The following BNC2 variants were observed in gnomAD, a reference collection of about 807,000 sequenced individuals.
BNC2 encodes the protein zinc finger protein basonuclin-2.
BNC2 carries 20 observed loss-of-function variants against 76.3 expected under a neutral mutation model. The observed-to-expected ratio is 0.26, with a 90% CI of 0.18 to 0.38. The LOEUF is 0.38. BNC2 is among the 10% of genes least tolerant of loss of function. BNC2 has a pLI of 1.00. For synonymous variants in BNC2, 582 were observed against 514.8 expected, an observed-to-expected ratio of 1.13 and a Z score of -1.77; for missense variants, 1,382 against 1,399.8, an observed-to-expected ratio of 0.99 and a Z score of 0.20.
intron 5 of BNC2, among the ~76,000 whole-genome samples, chr9:16,446,399 A>G (rs959619799): frequency 2.6e-5 from 4 of 152,114 alleles, no homozygotes; most frequent in African/African-American, 7.2e-5. Flanking sequence ...AAGCAACATG[A>G]TAATTTTATG....
chr9:16,451,494 G>C (rs1041554823), intron 5 of BNC2, among the ~76,000 whole-genome samples: 1 of 151,108 alleles, frequency 6.6e-6, no homozygotes, highest in African/African-American at 2.5e-5. Context: ...CCTGGCATCT[G>C]AAGTCCCCTC....
chr9:16,604,778 G>A (rs552582689), intron 3 of BNC2, among the ~76,000 whole-genome samples: 61 of 152,134 alleles, frequency 4.0e-4, no homozygotes, highest in Non-Finnish European at 4.4e-5. Context: ...ACTCCAGCCT[G>A]GGCAACAGAG....
chr9:16,675,496 G>A (rs947558514), intron 3 of BNC2, among the ~76,000 whole-genome samples: 11 of 152,170 alleles, frequency 7.2e-5, no homozygotes, highest in African/African-American at 2.4e-4. Flanking sequence ...CTGGGCTCAA[G>A]TGATAGGCCC....
At chr9:16,482,819 G>C (rs1822087691) in intron 5 of BNC2, among the ~76,000 whole-genome samples, 1 of 152,148 alleles carries the variant, frequency 6.6e-6, no homozygotes, top group Non-Finnish European at 1.5e-5. Flanking sequence ...GGGTCTCAGA[G>C]AACAGCCACG....
chr9:16,725,400 C>G (rs530904300), intron 3 of BNC2, among the ~76,000 whole-genome samples: 2 of 152,066 alleles, frequency 1.3e-5, no homozygotes, highest in African/African-American at 4.8e-5. Context: ...AAAAAAAATG[C>G]AAGCTCATAT....
intron 1 of BNC2, among the ~76,000 whole-genome samples, chr9:16,822,195 C>T (rs554236349): frequency 3.8e-4 from 57 of 151,020 alleles, no homozygotes; most frequent in African/African-American, 1.4e-3. Flanking sequence ...GCCTGGGAGG[C>T]GCAGGCTGCG....
chr9:16,443,745 A>G (rs1753518205), intron 5 of BNC2, among the ~76,000 whole-genome samples: 1 of 152,212 alleles, frequency 6.6e-6, no homozygotes, highest in South Asian at 2.1e-4. Flanking sequence ...TTAGACCCAA[A>G]GACATACATA....
At chr9:16,781,017 A>G (rs912417755) in intron 1 of BNC2, among the ~76,000 whole-genome samples, 1 of 152,066 alleles carries the variant, frequency 6.6e-6, no homozygotes, top group African/African-American at 2.4e-5. Context: ...TTGAAAAAAA[A>G]AGAGAGAGAG....
intron 3 of BNC2, among the ~76,000 whole-genome samples, chr9:16,707,178 G>A (rs1823701679): frequency 6.6e-6 from 1 of 151,838 alleles, no homozygotes; most frequent in Admixed American, 6.6e-5. Flanking sequence ...CTCCAGCCTG[G>A]GCAACAGAGC....
chr9:16,435,165 A>G (rs1021230820), intron 6 of BNC2: 6 of 422,306 alleles, frequency 1.4e-5, no homozygotes, highest in Admixed American at 9.0e-5. Context: ...CACATGGCAA[A>G]GCAGAAATAT....
chr9:16,431,432 A>T, intron 6 of BNC2: 1 of 470,272 alleles, frequency 2.1e-6, no homozygotes, highest in South Asian at 1.6e-5. Context: ...CGCTCTCTTC[A>T]AGAGAATCTC....
intron 3 of BNC2, among the ~76,000 whole-genome samples, chr9:16,586,253 GAACAACCATAAC>G (rs1819768097): frequency 6.6e-6 from 1 of 151,998 alleles, no homozygotes. Context: ...AACTCCCCAA[GAACAACCATAAC>G]AACAACCATA....
chr9:16,443,701 C>T (rs973831401), intron 5 of BNC2, among the ~76,000 whole-genome samples: 1 of 152,142 alleles, frequency 6.6e-6, no homozygotes, highest in Non-Finnish European at 1.5e-5. Flanking sequence ...ACATGGACGA[C>T]TCTTCAAAAG....
intron 5 of BNC2, among the ~76,000 whole-genome samples, chr9:16,461,641 G>A (rs1217192697): frequency 6.6e-6 from 1 of 152,032 alleles, no homozygotes; most frequent in Non-Finnish European, 1.5e-5. Context: ...GGGTATCACA[G>A]GTGCAACTCC....
At chr9:16,617,436 A>C (rs1820738047) in intron 3 of BNC2, among the ~76,000 whole-genome samples, 1 of 152,092 alleles carries the variant, frequency 6.6e-6, no homozygotes, top group Non-Finnish European at 1.5e-5. Context: ...TTTTAGTTCA[A>C]AGTAGAGTTT....
Position 16,795,412 on chromosome 9 carries a change from G to C in BNC2, c.4-56927C>G, listed in dbSNP as rs191159660. Among the ~76,000 whole-genome samples the C allele has an allele frequency of 3.8e-3, 559 of 146,626 alleles. 1 individual carries two copies. Among genetic ancestry groups the C allele is most frequent in the Middle Eastern group, 0.014 (4 of 286 alleles). ...TTTTTTTTTTTTTAAACACACTCCA[G>C]AAGTCATTGCAATACCGGAAACATT... is the stretch of plus-strand genomic sequence containing the variant. On this transcript the variant is annotated intron_variant, in intron 1 of 6. Transcript: ENST00000380672.
At chr9:16,646,407 G>T (rs922733789) in intron 3 of BNC2, among the ~76,000 whole-genome samples, 1 of 152,128 alleles carries the variant, frequency 6.6e-6, no homozygotes, top group African/African-American at 2.4e-5. Context: ...GTTGTTTACA[G>T]TGAAATACTA....
chr9:16,618,781 A>G (rs543619654), intron 3 of BNC2, among the ~76,000 whole-genome samples: 25 of 152,308 alleles, frequency 1.6e-4, no homozygotes, highest in African/African-American at 5.8e-4. Context: ...CTGAAGCTCT[A>G]ACACCGGCTT....
intron 3 of BNC2, among the ~76,000 whole-genome samples, chr9:16,659,468 T>C (rs1181233685): frequency 2.0e-5 from 3 of 152,012 alleles, no homozygotes; most frequent in East Asian, 3.9e-4. Context: ...ATTAGCTGTG[T>C]GTGGTGGTGC....
Sources: allele counts gnomAD v4.1 joint callset (sites outside exome capture counted in the v4.1 genomes callset), GRCh38; gene constraint gnomAD v4.1.1; transcripts MANE v1.5; gene names NCBI Gene and HGNC (gene_info 2026-07-23, HGNC 2026-07-21).